EPHA3: variants seen among roughly 807,000 people sequenced by gnomAD.
EPHA3 encodes the protein EPH receptor A3, also known as ephrin type-A receptor 3.
EPHA3 carries 42 observed loss-of-function variants against 107.1 expected under a neutral mutation model. The observed-to-expected ratio is 0.39, with a 90% confidence interval of 0.31 to 0.51. EPHA3 has a LOEUF of 0.51. EPHA3 is among the 20% of genes least tolerant of loss of function. The probability of loss-of-function intolerance (pLI) is 0.78; values close to 1 mark genes in which losing one functional copy is unlikely to be tolerated. For synonymous variants in EPHA3, 461 were observed against 424.8 expected (o/e 1.09, Z -1.05); for missense variants, 1,183 against 1,211.2 (o/e 0.98, Z 0.35).
chr3:89,219,710 G>GTTTTT lies in EPHA3; in HGVS notation c.814+9202_814+9206dup. 7.7e-5 allele frequency among the ~76,000 whole-genome samples: 2 copies of GTTTTT among 25,928 alleles called. 1 individual carries two copies. Among genetic ancestry groups the GTTTTT allele is most frequent in the South Asian group, 4.0e-3 (2 of 500 alleles). 17.0% of individuals were successfully genotyped at this position (25,928 alleles called of 152,430 possible). On this transcript the variant is annotated intron_variant, in intron 3 of 16. Transcript: ENST00000336596. Reference sequence around the variant, plus strand: ...AATGTTTTTTTTTTTTTTGTTTTTTGTTTTTTTTTTTTTTTTGAGACGGAG... The same window carrying GTTTTT: ...AATGTTTTTTTTTTTTTTGTTTTTTGTTTTTTTTTTTTTTTTTTTTTGAGACGGAG...
At chr3:89,229,549 AT>A (rs1328615142) in intron 3 of EPHA3, among the ~76,000 whole-genome samples, 5 of 151,036 alleles carry the variant, frequency 3.3e-5, no homozygotes, top group Non-Finnish European at 5.9e-5. Flanking sequence ...AAATATATAT[AT>A]TTAATTAGGT....
chr3:89,272,677 C>T (rs998733728), intron 3 of EPHA3, among the ~76,000 whole-genome samples: 9 of 151,922 alleles, frequency 5.9e-5, no homozygotes, highest in African/African-American at 1.7e-4. Flanking sequence ...TTCTGTCTGA[C>T]GTGGCTTTGA....
chr3:89,191,089 C>A (rs1356542831), intron 2 of EPHA3, among the ~76,000 whole-genome samples: 2 of 151,946 alleles, frequency 1.3e-5, no homozygotes, highest in Non-Finnish European at 2.9e-5. Context: ...ATTCCTCTTT[C>A]ATTGGTGTAG....
intron 2 of EPHA3, among the ~76,000 whole-genome samples, chr3:89,170,227 G>T (rs1259405573): frequency 6.7e-6 from 1 of 149,708 alleles, no homozygotes; most frequent in Non-Finnish European, 1.5e-5. Flanking sequence ...CTGCACTTCA[G>T]CCTGGGCGAC....
chr3:89,390,843 G>A (rs1708714521), intron 5 of EPHA3, among the ~76,000 whole-genome samples: 1 of 147,496 alleles, frequency 6.8e-6, no homozygotes, highest in South Asian at 2.1e-4. Context: ...GGAGTGCAAT[G>A]ACATGCAATC....
chr3:89,177,157 T>C (rs1202451412), intron 2 of EPHA3, among the ~76,000 whole-genome samples: 2 of 152,196 alleles, frequency 1.3e-5, no homozygotes, highest in Non-Finnish European at 2.9e-5. Flanking sequence ...CTAAATATTA[T>C]AAGAGTAGTT....
At chr3:89,313,990 T>G in intron 3 of EPHA3, among the ~76,000 whole-genome samples, 1 of 151,948 alleles carries the variant, frequency 6.6e-6, no homozygotes, top group East Asian at 1.9e-4. Flanking sequence ...ATTTTAATAT[T>G]AATTTGATGC....
chr3:89,345,664 G>C (rs1349934292), intron 5 of EPHA3, among the ~76,000 whole-genome samples: 1 of 121,188 alleles, frequency 8.3e-6, no homozygotes, highest in Non-Finnish European at 1.7e-5. Flanking sequence ...TGTGCACATT[G>C]TGCAGGTTAG....
intron 13 of EPHA3, among the ~76,000 whole-genome samples, chr3:89,435,549 T>C (rs1329439546): frequency 1.4e-5 from 2 of 145,812 alleles, no homozygotes; most frequent in Non-Finnish European, 1.5e-5. Flanking sequence ...CTATATAAAG[T>C]ATATATATAC....
At position 89,221,024 on chromosome 3, in the gene EPHA3, A is replaced by G. The variant is rs547510410; in HGVS notation, c.814+10504A>G. Among the ~76,000 whole-genome samples the G allele has an allele frequency of 8.5e-5, 13 of 152,268 alleles. No homozygotes were observed. The East Asian group carries it at 2.5e-3, about 29-fold the overall frequency. ...AAATCAGGCAATTGTCCAAGGTCACAATTAGTAAGTGGTTCAACTGGAATT... is the reference window on the plus strand; with the variant it reads ...AAATCAGGCAATTGTCCAAGGTCACGATTAGTAAGTGGTTCAACTGGAATT... On this transcript the variant is annotated intron_variant, in intron 3 of 16. Coordinates refer to ENST00000336596, the MANE Select transcript of EPHA3 (RefSeq NM_005233.6).
chr3:89,443,084 AT>A (rs1412744478), intron 13 of EPHA3, among the ~76,000 whole-genome samples: 1 of 152,126 alleles, frequency 6.6e-6, no homozygotes, highest in Non-Finnish European at 1.5e-5. Flanking sequence ...CCCTTGTGTA[AT>A]TTTTTTAATG....
intron 3 of EPHA3, among the ~76,000 whole-genome samples, chr3:89,301,020 A>C (rs1706475341): frequency 6.6e-6 from 1 of 152,242 alleles, no homozygotes; most frequent in South Asian, 2.1e-4. Flanking sequence ...TAAATGCAAT[A>C]GCAACAAATT....
rs1207783975 is a variant in EPHA3, at chr3:89,400,617, ATG to A, written c.1594+1152_1594+1153del. ...AAACTTGAAGAACAGATACATAATTATGTGTGTGTGTGTGTGAGCGTGTGTGT... is the reference window on the plus strand; with the variant it reads ...AAACTTGAAGAACAGATACATAATTATGTGTGTGTGTGTGAGCGTGTGTGT... On this transcript the variant is annotated intron_variant, in intron 7 of 16. Coordinates refer to ENST00000336596, the MANE Select transcript of EPHA3 (RefSeq NM_005233.6). Among the ~76,000 whole-genome samples the A allele has an allele frequency of 8.2e-5, 12 of 146,784 alleles. No homozygotes were observed. The South Asian group carries it at 8.5e-4, about 10-fold the overall frequency.
At chr3:89,161,416 G>A (rs1367991231) in intron 2 of EPHA3, among the ~76,000 whole-genome samples, 1 of 151,996 alleles carries the variant, frequency 6.6e-6, no homozygotes, top group Non-Finnish European at 1.5e-5. Flanking sequence ...TATAACACCT[G>A]CTTTTATACA....
intron 2 of EPHA3, among the ~76,000 whole-genome samples, chr3:89,145,927 C>A (rs937276350): frequency 2.3e-4 from 35 of 151,560 alleles, no homozygotes; most frequent in African/African-American, 8.0e-4. Context: ...AAATTAACAT[C>A]AAAATAATAA....
intron 2 of EPHA3, among the ~76,000 whole-genome samples, chr3:89,196,168 T>C (rs1338283963): frequency 2.0e-5 from 3 of 152,120 alleles, no homozygotes. Context: ...ATTCAAATAG[T>C]TCACCATGAA....
intron 3 of EPHA3, among the ~76,000 whole-genome samples, chr3:89,324,423 G>C (rs1407627497): frequency 6.6e-6 from 1 of 151,908 alleles, no homozygotes. Context: ...CACCTGCCTA[G>C]GCCTCCAGGC....
chr3:89,166,554 A>G, intron 2 of EPHA3, among the ~76,000 whole-genome samples: 1 of 152,206 alleles, frequency 6.6e-6, no homozygotes, highest in East Asian at 1.9e-4. Context: ...AACACCAACC[A>G]TAAAAACAGT....
intron 3 of EPHA3, among the ~76,000 whole-genome samples, chr3:89,325,918 C>T (rs1332787752): frequency 6.7e-6 from 1 of 150,218 alleles, no homozygotes; most frequent in Non-Finnish European, 1.5e-5. Flanking sequence ...GATTTATATA[C>T]AGTTAAGATA....
Sources: allele counts gnomAD v4.1 joint callset (sites outside exome capture counted in the v4.1 genomes callset), GRCh38; gene constraint gnomAD v4.1.1; transcripts MANE v1.5; gene names NCBI Gene and HGNC (gene_info 2026-07-23, HGNC 2026-07-21).